Variants in ZRANB1 observed in about 807,000 individuals in gnomAD.
The protein encoded by ZRANB1 is ubiquitin thioesterase ZRANB1.
ZRANB1 carries 16 observed loss-of-function variants against 80.5 expected under a neutral mutation model. The observed-to-expected ratio is 0.20, with a 90% CI of 0.13 to 0.30. ZRANB1 has a LOEUF of 0.30. ZRANB1 is among the 10% of genes least tolerant of loss of function. The probability of loss-of-function intolerance (pLI) is 1.00; values close to 1 mark genes in which losing one functional copy is unlikely to be tolerated. For missense variants in ZRANB1, 576 were observed against 862.6 expected (o/e 0.67, Z 4.16); for synonymous variants, 291 against 293.1 (o/e 0.99, Z 0.07).
the ZRANB1 span, among the ~76,000 whole-genome samples, chr10:124,932,270 C>T: frequency 0.023 from 3,435 of 149,420 alleles, 135 homozygotes; most frequent in African/African-American, 0.081. Flanking sequence ...CCACACTATA[C>T]GGGTGTAAAG....
chr10:124,952,350 C>A (rs538618781), intron 1 of ZRANB1, among the ~76,000 whole-genome samples: 1 of 152,114 alleles, frequency 6.6e-6, no homozygotes, highest in African/African-American at 2.4e-5. Context: ...AGAAGAGAAG[C>A]GGAGGCTTGA....
the ZRANB1 span, among the ~76,000 whole-genome samples, chr10:124,935,761 T>TAAACACA: frequency 1.3e-5 from 2 of 152,360 alleles, no homozygotes; most frequent in African/African-American, 4.8e-5. Context: ...TGGCCTCTTC[T>TAAACACA]TGGGTTTTAC....
At chr10:124,955,223 GT>G (rs67627307) in intron 1 of ZRANB1, among the ~76,000 whole-genome samples, 89,117 of 150,336 alleles carry the variant, frequency 0.59, 29,959 homozygotes, top group Non-Finnish European at 0.75. Flanking sequence ...ACATTAAAAG[GT>G]TTTTTTTTGT....
At chr10:124,919,598 TTCC>T in the ZRANB1 span, among the ~76,000 whole-genome samples, 1,502 of 150,610 alleles carry the variant, frequency 1.0e-2, 12 homozygotes, top group Middle Eastern at 0.035. Context: ...TTTTTTTTTT[TTCC>T]TCCTCCTCCT....
At chr10:124,951,738 C>G (rs1246618958) in intron 1 of ZRANB1, among the ~76,000 whole-genome samples, 1 of 152,106 alleles carries the variant, frequency 6.6e-6, no homozygotes, top group Non-Finnish European at 1.5e-5. Flanking sequence ...GGTCGGATCA[C>G]TTGAGGTCAG....
rs1201261581 is a variant in ZRANB1 at position 124,983,614 on chromosome 10, G to A, written c.1834G>A (p.Val612Ile). The A allele has an allele frequency of 6.2e-7, 1 of 1,613,864 alleles. No homozygotes were observed. ...TGCTAATCTCAATACCGATGATGAT[G>A]TCACCATCACATTTTTGCCTCTGGT... ...AGANLNTDDD[V>I]TITFLPLVDS... The change falls in exon 8 of 9, where the codon GTC (valine) becomes ATC (isoleucine). Residue 612 changes from valine to isoleucine, a missense_variant. Physicochemically the swap from Val to Ile is conservative, Grantham distance 29. Transcript: ENST00000359653. The surrounding 1 kb of genome is among the most constrained non-coding windows in gnomAD (Gnocchi z 6.2).
Position 124,983,374 on chromosome 10 carries a change from G to A in ZRANB1, c.1678+70G>A, listed in dbSNP as rs764678545. 209 of 1,595,968 alleles carry A rather than the reference G, an allele frequency of 1.3e-4. No homozygotes were observed. Among genetic ancestry groups the A allele is most frequent in the Middle Eastern group, 8.3e-4 (5 of 5,994 alleles). ...ATGGCTCAGATGTCAGGAAGGAGCA[G>A]TGGACAGGGGAATGTGAACAAGGGC... is the stretch of plus-strand genomic sequence containing the variant. On this transcript the variant is annotated intron_variant, in intron 7 of 8. Transcript: ENST00000359653. This position sits in a 1 kb window ranked among gnomAD's most constrained non-coding sequence, Gnocchi z 6.2.
chr10:124,981,212 T>C (rs1951929599), intron 5 of ZRANB1, among the ~76,000 whole-genome samples: 1 of 152,172 alleles, frequency 6.6e-6, no homozygotes, highest in African/African-American at 2.4e-5. Flanking sequence ...TTTGGTTGCT[T>C]TTGAATTATT....
At chr10:124,959,633 ATTC>A (rs1951715287) in intron 1 of ZRANB1, among the ~76,000 whole-genome samples, 1 of 152,016 alleles carries the variant, frequency 6.6e-6, no homozygotes, top group Non-Finnish European at 1.5e-5. Flanking sequence ...CGCCTGGCTT[ATTC>A]TTTAAATTTT....
rs1034991200 is a variant in ZRANB1, at chr10:124,949,415, A to G, written c.814+6108A>G. Among the ~76,000 whole-genome samples the G allele has an allele frequency of 4.8e-5, 7 of 145,714 alleles. No homozygotes were observed. In the Admixed American group the frequency reaches 4.9e-4, roughly 10 times the overall value. On this transcript the variant is annotated intron_variant, in intron 1 of 8. Transcript: ENST00000359653. ...GTTCACATTGAAACTATGTATACAC[A>G]TATATATGTATATATATATGTTTAC...
intron 2 of ZRANB1, among the ~76,000 whole-genome samples, chr10:124,967,258 G>A (rs1951784469): frequency 6.6e-6 from 1 of 152,164 alleles, no homozygotes; most frequent in African/African-American, 2.4e-5. Flanking sequence ...CTTTCTTATA[G>A]CAGGTAATGT....
the ZRANB1 span, among the ~76,000 whole-genome samples, chr10:124,924,939 G>C: frequency 6.6e-6 from 1 of 150,756 alleles, no homozygotes; most frequent in Admixed American, 6.6e-5. Flanking sequence ...CAGCGTCTCA[G>C]TTTGTCTGCC....
At chr10:124,965,945 GTTTTA>G (rs1048760466) in intron 1 of ZRANB1, among the ~76,000 whole-genome samples, 4 of 152,112 alleles carry the variant, frequency 2.6e-5, no homozygotes, top group African/African-American at 9.7e-5. Context: ...GGATTGTAAT[GTTTTA>G]TTTTAGCGTA....
chr10:124,985,133 C>G lies in ZRANB1; in HGVS notation c.*141C>G, dbSNP rs1471431906. On this transcript the variant is annotated 3_prime_UTR_variant, in exon 9 of 9. Transcript: ENST00000359653. ...CTCGGGGAAGTGTTTTCCTGGACCA[C>G]ACACACCTTATGGAGATAATGCCTC... 9.2e-6 allele frequency: 6 copies of G among 649,808 alleles called. No homozygotes were observed. The highest frequency in any genetic ancestry group is 1.6e-5 in the Non-Finnish European group (6 of 374,856). 40.3% of individuals were successfully genotyped at this position (649,808 alleles called of 1,614,324 possible). A position where few individuals can be genotyped will look rare whatever the true frequency, so the allele number is the denominator to read the frequency against.
the ZRANB1 span, among the ~76,000 whole-genome samples, chr10:124,929,522 T>C: frequency 6.6e-6 from 1 of 151,716 alleles, no homozygotes; most frequent in African/African-American, 2.4e-5. Context: ...GTCTTTTTAG[T>C]AGAGACGGGG....
Position 124,983,601 on chromosome 10 carries a change from T to C in ZRANB1, c.1821T>C (p.Asn607=), listed in dbSNP as rs756391189. 4 of 1,614,064 alleles carry C rather than the reference T, an allele frequency of 2.5e-6. No homozygotes were observed. The highest frequency in any genetic ancestry group is 3.4e-6 in the Non-Finnish European group (4 of 1,179,988). The change falls in exon 8 of 9, where the codon AAT becomes AAC. Residue 607 remains asparagine (N), a synonymous_variant. Coordinates refer to ENST00000359653, the MANE Select transcript of ZRANB1 (RefSeq NM_017580.3). This position sits in a 1 kb window ranked among gnomAD's most constrained non-coding sequence, Gnocchi z 6.2. ...YGNRGAGANL[N]TDDDVTITFL... ...ACCGAGGTGCTGGTGCTAATCTCAA[T>C]ACCGATGATGATGTCACCATCACAT...
chr10:124,924,449 C>T, the ZRANB1 span, among the ~76,000 whole-genome samples: 1 of 152,046 alleles, frequency 6.6e-6, no homozygotes, highest in African/African-American at 2.4e-5. Flanking sequence ...TTTCATGACC[C>T]CAAAAAGAAA....
At chr10:124,931,343 T>A in the ZRANB1 span, among the ~76,000 whole-genome samples, 1 of 152,086 alleles carries the variant, frequency 6.6e-6, no homozygotes, top group African/African-American at 2.4e-5. Flanking sequence ...TTCCTACTGC[T>A]CCAGCCCTGT....
At chr10:124,956,888 C>T (rs149777416) in intron 1 of ZRANB1, among the ~76,000 whole-genome samples, 1 of 152,310 alleles carries the variant, frequency 6.6e-6, no homozygotes, top group East Asian at 1.9e-4. Flanking sequence ...TATTTGGTGT[C>T]TCTGTATGTC....
Sources: gnomAD v4.1 joint callset for allele counts (sites outside exome capture counted in the v4.1 genomes callset) on GRCh38, gnomAD v4.1.1 for gene constraint, Gnocchi (gnomAD v3.1) non-coding constraint, MANE v1.5 for transcripts, NCBI Gene and HGNC (gene_info 2026-07-23, HGNC 2026-07-21) for gene names.